The following SORCS2 variants were observed in gnomAD, a reference collection of about 807,000 sequenced individuals.
SORCS2 encodes sortilin related VPS10 domain containing receptor 2, also known as VPS10 domain-containing receptor SorCS2.
Under a neutral mutation model 141.6 loss-of-function variants are expected in SORCS2, and 100 were observed. That is an observed-to-expected ratio of 0.71 (90% CI 0.60 to 0.83). The LOEUF is 0.83. Among genes scored for constraint, SORCS2 ranks in the 40% least tolerant of loss-of-function variants. The probability of loss-of-function intolerance (pLI) is 0.00; values close to 1 mark genes in which losing one functional copy is unlikely to be tolerated. For missense variants in SORCS2, 1,646 were observed against 1,560.2 expected, an observed-to-expected ratio of 1.05 and a Z score of -0.93; for synonymous variants, 789 against 676.9, an observed-to-expected ratio of 1.17 and a Z score of -2.57.
intron 3 of SORCS2, among the ~76,000 whole-genome samples, chr4:7,596,820 A>G (rs1340758763): frequency 6.6e-6 from 1 of 151,986 alleles, no homozygotes; most frequent in Non-Finnish European, 1.5e-5. Flanking sequence ...AGGGGCTTGG[A>G]CTGCTCAGGC....
intron 1 of SORCS2, among the ~76,000 whole-genome samples, chr4:7,360,030 T>G (rs373156937): frequency 1.3e-5 from 2 of 152,242 alleles, no homozygotes; most frequent in East Asian, 3.9e-4. Flanking sequence ...AGCCATGCCC[T>G]AAAACAATTA....
At chr4:7,543,931 C>CCCATCCACCCAT (rs1560373794) in intron 3 of SORCS2, among the ~76,000 whole-genome samples, 1 of 41,960 alleles carries the variant, frequency 2.4e-5, no homozygotes, top group Non-Finnish European at 4.7e-5. Context: ...CACCCATCCA[C>CCCATCCACCCAT]CCATCCACCC....
intron 2 of SORCS2, among the ~76,000 whole-genome samples, chr4:7,440,292 A>T (rs1298105212): frequency 6.6e-6 from 1 of 152,226 alleles, no homozygotes; most frequent in African/African-American, 2.4e-5. Flanking sequence ...TCTCTCCCCA[A>T]ATAATTGTTC....
At chr4:7,295,600 C>T (rs561143626) in intron 1 of SORCS2, among the ~76,000 whole-genome samples, 2 of 152,330 alleles carry the variant, frequency 1.3e-5, no homozygotes, top group East Asian at 1.9e-4. Flanking sequence ...TCCAGCCTCA[C>T]GTCCATGTCC....
rs1335634615 is a variant in SORCS2 at position 7,632,518 on chromosome 4, C to T, written c.649-5810C>T. ...TCTTTCCTGGCTCACTCTCCCAACTCGGCACCAAAAATAGCCCCGGCCCAG... is the reference window on the plus strand; with the variant it reads ...TCTTTCCTGGCTCACTCTCCCAACTTGGCACCAAAAATAGCCCCGGCCCAG... On this transcript the variant is annotated intron_variant, in intron 3 of 26. Transcript: ENST00000507866. 6.6e-5 allele frequency among the ~76,000 whole-genome samples: 10 copies of T among 152,294 alleles called. No homozygotes were observed. The East Asian group carries it at 1.5e-3, about 24-fold the overall frequency.
At position 7,373,072 on chromosome 4, in the gene SORCS2, TG is replaced by T. The variant is rs550618316; in HGVS notation, c.481-23214del. 2.2e-3 allele frequency among the ~76,000 whole-genome samples: 330 copies of T among 150,296 alleles called. 1 individual carries two copies. The highest frequency in any genetic ancestry group is 3.7e-3 in the Non-Finnish European group (248 of 67,640). On this transcript the variant is annotated intron_variant, in intron 1 of 26. Transcript: ENST00000507866. ...GAATGTTTGTGTGCAGGTCTTGGTG[TG>T]GATGTATGCTTCATTGCTCTTAAAT... is the stretch of plus-strand genomic sequence containing the variant.
In SORCS2 at chr4:7,642,010, G is replaced by T. The variant is rs375759681; in HGVS notation, c.813+3518G>T. On this transcript the variant is annotated intron_variant, in intron 4 of 26. Coordinates refer to ENST00000507866, the MANE Select transcript of SORCS2 (RefSeq NM_020777.3). ...GGATGAATGGGTAGATGGATGGATG[G>T]GTGGATGGAGATGAATGGATGGATG... Among the ~76,000 whole-genome samples, 18 of 151,772 alleles carry T rather than the reference G, an allele frequency of 1.2e-4. No homozygotes were observed. In the South Asian group the frequency reaches 3.1e-3, roughly 27 times the overall value.
At chr4:7,339,683 C>T (rs912057191) in intron 1 of SORCS2, among the ~76,000 whole-genome samples, 23 of 152,218 alleles carry the variant, frequency 1.5e-4, no homozygotes, top group Admixed American at 1.2e-3. Context: ...TGTAAAGGCC[C>T]TATCTCCAAA....
chr4:7,403,998 T>TATA (rs59841056), intron 2 of SORCS2, among the ~76,000 whole-genome samples: 326 of 12,182 alleles, frequency 0.027, 4 homozygotes, highest in Admixed American at 0.034. Flanking sequence ...TATATATATA[T>TATA]TTTTTTTTTT....
chr4:7,583,940 G>A lies in SORCS2; in HGVS notation c.648+52311G>A, dbSNP rs894536839. Among the ~76,000 whole-genome samples the A allele has an allele frequency of 4.6e-5, 7 of 152,182 alleles. No individual in the cohort carries two copies. The East Asian group carries it at 9.6e-4, about 21-fold the overall frequency. On this transcript the variant is annotated intron_variant, in intron 3 of 26. Transcript: ENST00000507866. ...CAGAGTCCTGCCTCTAATGTGCTAC[G>A]TCTTATATGCAGCCTTTACCCCTTG...
In SORCS2 at chr4:7,638,423, C is replaced by T. The variant is rs1415020533; in HGVS notation, c.744C>T (p.Phe248=). ...GATFQKQPIP[F]FVETLIFHPK... The stretch of plus-strand genomic sequence containing the variant: ...CCTTTCAGAAGCAGCCCATTCCCTT[C>T]TTCGTGGAAACTCTGATTTTCCACC... The change falls in exon 4 of 27, where the codon TTC becomes TTT. Residue 248 remains phenylalanine (F), a synonymous_variant. Transcript: ENST00000507866. 6.2e-7 allele frequency: 1 copy of T among 1,604,814 alleles called. No homozygotes were observed. Among genetic ancestry groups the T allele is most frequent in the African/African-American group, 1.3e-5 (1 of 74,422 alleles).
intron 1 of SORCS2, among the ~76,000 whole-genome samples, chr4:7,366,396 G>A (rs988103212): frequency 6.6e-6 from 1 of 151,824 alleles, no homozygotes; most frequent in Non-Finnish European, 1.5e-5. Flanking sequence ...GGGGGATCCT[G>A]CTCCCCTGGC....
At chr4:7,465,037 T>C (rs2109332546) in intron 2 of SORCS2, among the ~76,000 whole-genome samples, 1 of 152,298 alleles carries the variant, frequency 6.6e-6, no homozygotes, top group Admixed American at 6.5e-5. Flanking sequence ...CTCTAGAAAA[T>C]GAGGATGACA....
intron 3 of SORCS2, among the ~76,000 whole-genome samples, chr4:7,544,320 G>A (rs1713079634): frequency 6.6e-6 from 1 of 152,234 alleles, no homozygotes; most frequent in African/African-American, 2.4e-5. Context: ...ATGAATTGGT[G>A]AGCAGGGACA....
intron 13 of SORCS2, 32 bp from the exon 14 acceptor site, chr4:7,704,145 C>A (rs750183853): frequency 6.3e-7 from 1 of 1,590,804 alleles, no homozygotes; most frequent in Admixed American, 1.8e-5. Context: ...TTCCAGCCCA[C>A]CCCAGAGATG....
intron 3 of SORCS2, among the ~76,000 whole-genome samples, chr4:7,544,785 A>G (rs1713114653): frequency 1.3e-5 from 2 of 152,178 alleles, no homozygotes; most frequent in South Asian, 4.1e-4. Context: ...GTCACCTGCC[A>G]TCCCCAGTCT....
At chr4:7,650,263 G>A (rs908754593) in intron 4 of SORCS2, among the ~76,000 whole-genome samples, 8 of 152,316 alleles carry the variant, frequency 5.3e-5, no homozygotes, top group Middle Eastern at 3.4e-3. Flanking sequence ...ACTTCCTGGC[G>A]ATGTTGTGGG....
At chr4:7,477,417 GTGGCTGATCGGGGCTGACCA>G (rs1183581813) in intron 2 of SORCS2, among the ~76,000 whole-genome samples, 4 of 5,712 alleles carry the variant, frequency 7.0e-4, no homozygotes, top group African/African-American at 7.6e-4. Flanking sequence ...GGGGCTGACC[GTGGCTGATCGGGGCTGACCA>G]TGGCTGACTG....
chr4:7,601,105 T>G (rs1217621321), intron 3 of SORCS2, among the ~76,000 whole-genome samples: 1 of 152,180 alleles, frequency 6.6e-6, no homozygotes, highest in African/African-American at 2.4e-5. Flanking sequence ...GGTCTCGAAC[T>G]CCTGACCTAG....
Sources: allele counts gnomAD v4.1 joint callset (sites outside exome capture counted in the v4.1 genomes callset), GRCh38; gene constraint gnomAD v4.1.1; transcripts MANE v1.5; gene names NCBI Gene and HGNC (gene_info 2026-07-23, HGNC 2026-07-21).